The following SRGAP3 variants were observed in gnomAD, a reference collection of about 807,000 sequenced individuals.
SRGAP3 encodes SLIT-ROBO Rho GTPase activating protein 3.
SRGAP3 carries 39 observed loss-of-function variants against 121.1 expected under a neutral mutation model. The observed-to-expected ratio is 0.32, with a 90% confidence interval of 0.25 to 0.42. SRGAP3 has a LOEUF of 0.42. Among genes scored for constraint, SRGAP3 ranks in the 10% least tolerant of loss-of-function variants. The probability of loss-of-function intolerance (pLI) is 1.00; values close to 1 mark genes in which losing one functional copy is unlikely to be tolerated. For missense variants in SRGAP3, 1,213 were observed against 1,470.6 expected (o/e 0.82, Z 2.86); for synonymous variants, 601 against 570.0 (o/e 1.05, Z -0.77).
intron 17 of SRGAP3, among the ~76,000 whole-genome samples, chr3:9,013,082 C>A (rs1943452274): frequency 6.6e-6 from 1 of 152,100 alleles, no homozygotes; most frequent in Non-Finnish European, 1.5e-5. Context: ...AATAAAGTCC[C>A]ATTTGGTTAA....
At chr3:9,011,806 T>C (rs1943392339) in intron 17 of SRGAP3, among the ~76,000 whole-genome samples, 1 of 126,642 alleles carries the variant, frequency 7.9e-6, no homozygotes, top group African/African-American at 3.1e-5. Context: ...CAGCCAAGTC[T>C]CCTTTTTTGG....
chr3:9,072,840 G>A (rs1471419286), intron 4 of SRGAP3, among the ~76,000 whole-genome samples: 4 of 152,224 alleles, frequency 2.6e-5, no homozygotes, highest in Non-Finnish European at 4.4e-5. Context: ...AGGGCTGGAG[G>A]AAGAGTCAGG....
intron 3 of SRGAP3, among the ~76,000 whole-genome samples, chr3:9,297,243 T>C (rs1438140808): frequency 1.3e-5 from 2 of 152,126 alleles, no homozygotes; most frequent in African/African-American, 2.4e-5. Context: ...AAGAGCTATG[T>C]CCTAAATACA....
At chr3:9,058,797 G>A in intron 6 of SRGAP3, 1 of 300,446 alleles carries the variant, frequency 3.3e-6, no homozygotes, top group South Asian at 3.6e-5. Flanking sequence ...TCGGCTCACT[G>A]CTACCTCCGC....
At chr3:9,015,852 TC>T in intron 14 of SRGAP3, 121 bp from the exon 15 acceptor site, 1 of 1,216,144 alleles carries the variant, frequency 8.2e-7, no homozygotes, top group Non-Finnish European at 1.2e-6. Flanking sequence ...GGGAAAAGTC[TC>T]CCCCACATAT....
At chr3:9,105,883 C>G (rs913371329) in intron 2 of SRGAP3, among the ~76,000 whole-genome samples, 15 of 152,190 alleles carry the variant, frequency 9.9e-5, no homozygotes, top group African/African-American at 2.9e-4. Flanking sequence ...TTAGCCTACC[C>G]TACCTTAAAC....
chr3:9,038,894 A>G (rs546391941), intron 10 of SRGAP3, among the ~76,000 whole-genome samples: 9 of 152,226 alleles, frequency 5.9e-5, no homozygotes, highest in African/African-American at 2.2e-4. Flanking sequence ...TGCATGACCT[A>G]GCTTTTAACC....
intron 10 of SRGAP3, among the ~76,000 whole-genome samples, chr3:9,043,234 G>A (rs916891994): frequency 6.6e-6 from 1 of 152,168 alleles, no homozygotes; most frequent in East Asian, 1.9e-4. Context: ...GCTCACTGCA[G>A]CCTCCACTGC....
intron 1 of SRGAP3, among the ~76,000 whole-genome samples, chr3:9,242,206 G>A (rs1010279124): frequency 6.6e-6 from 1 of 152,206 alleles, no homozygotes; most frequent in East Asian, 1.9e-4. Flanking sequence ...CAGGAAGCAG[G>A]CCGTCACCAG....
At chr3:9,165,698 C>G (rs921435096) in intron 1 of SRGAP3, among the ~76,000 whole-genome samples, 5 of 152,216 alleles carry the variant, frequency 3.3e-5, no homozygotes, top group African/African-American at 1.2e-4. Flanking sequence ...CACCTCCACC[C>G]TGCTCAGCCA....
At chr3:9,262,763 A>G (rs1954281106) in intron 3 of SRGAP3, among the ~76,000 whole-genome samples, 1 of 152,114 alleles carries the variant, frequency 6.6e-6, no homozygotes, top group South Asian at 2.1e-4. Context: ...CTCCCACACA[A>G]TAATAGTGGG....
At chr3:9,329,140 C>A (rs758221528) in intron 2 of SRGAP3, among the ~76,000 whole-genome samples, 4 of 152,180 alleles carry the variant, frequency 2.6e-5, no homozygotes, top group Non-Finnish European at 5.9e-5. Flanking sequence ...GAATTCATCG[C>A]ACAAAATACA....
Position 9,038,047 on chromosome 3 carries a change from A to G in SRGAP3, c.1436+16T>C. 1.2e-6 allele frequency: 2 copies of G among 1,613,402 alleles called. No homozygotes were observed. Among genetic ancestry groups the G allele is most frequent in the African/African-American group, 1.3e-5 (1 of 74,756 alleles). ...CGGGCAGCAGATGAAAGAAAACACA[A>G]CTCTCCCACTCTCACCTGGTGGTGC... On this transcript the variant is annotated intron_variant, in intron 11 of 21. Transcript: ENST00000383836.
intron 1 of SRGAP3, among the ~76,000 whole-genome samples, chr3:9,187,461 G>C (rs569581441): frequency 3.3e-5 from 5 of 152,166 alleles, no homozygotes; most frequent in Non-Finnish European, 7.4e-5. Flanking sequence ...TCTCCACACA[G>C]CACCTTTCAC....
intron 1 of SRGAP3, among the ~76,000 whole-genome samples, chr3:9,150,825 C>T (rs1950186950): frequency 6.6e-6 from 1 of 152,184 alleles, no homozygotes; most frequent in Non-Finnish European, 1.5e-5. Context: ...ATTCATTCAG[C>T]CAAGAACTCC....
chr3:9,322,220 T>G (rs190930635), intron 3 of SRGAP3, among the ~76,000 whole-genome samples: 1 of 151,774 alleles, frequency 6.6e-6, no homozygotes, highest in African/African-American at 2.4e-5. Context: ...TGTCTGGCAG[T>G]AGGCACTCAA....
intron 11 of SRGAP3, chr3:9,034,102 A>G (rs1944632212): frequency 6.6e-6 from 1 of 152,208 alleles, no homozygotes; most frequent in Non-Finnish European, 1.5e-5. Context: ...CAAACACTGG[A>G]CCCGTTTCCA....
chr3:9,018,837 A>G (rs1279439340), intron 14 of SRGAP3, among the ~76,000 whole-genome samples: 2 of 152,038 alleles, frequency 1.3e-5, no homozygotes, highest in Non-Finnish European at 2.9e-5. Context: ...GAAAAGCCCT[A>G]CTCTTATCCT....
At chr3:9,167,566 G>C (rs73019366) in intron 1 of SRGAP3, among the ~76,000 whole-genome samples, 1 of 152,010 alleles carries the variant, frequency 6.6e-6, no homozygotes, top group Non-Finnish European at 1.5e-5. Context: ...TCAACGCCTA[G>C]GGGGGGAGCA....
Sources: allele counts gnomAD v4.1 joint callset (sites outside exome capture counted in the v4.1 genomes callset), GRCh38; gene constraint gnomAD v4.1.1; transcripts MANE v1.5; gene names NCBI Gene and HGNC (gene_info 2026-07-23, HGNC 2026-07-21).